Variants in KDM6A observed in about 807,000 individuals in gnomAD.
The protein encoded by KDM6A is lysine-specific demethylase 6A.
Under a neutral mutation model 117.6 loss-of-function variants are expected in KDM6A, and 11 were observed. The observed-to-expected ratio is 0.09, with a 90% CI of 0.06 to 0.15. The LOEUF is 0.15. Among genes scored for constraint, KDM6A ranks in the 10% least tolerant of loss-of-function variants. KDM6A has a pLI of 1.00. For synonymous variants in KDM6A, 384 were observed against 396.1 expected (o/e 0.97, Z 0.36); for missense variants, 799 against 1,077.3 (o/e 0.74, Z 3.62).
intron 16 of KDM6A, 68 bp from the exon 17 acceptor site, chrX:45,063,354 T>C: frequency 9.8e-7 from 1 of 1,024,804 alleles, no homozygotes; most frequent in South Asian, 1.9e-5. Context: ...TCATAGAGAA[T>C]CCCCTATAGA....
chrX:45,016,382 A>G (rs2041959309), intron 5 of KDM6A, among the ~76,000 whole-genome samples: 1 of 111,743 alleles, frequency 8.9e-6, no homozygotes, highest in Admixed American at 9.5e-5. Flanking sequence ...TTATCCCTTC[A>G]TATATCTCTG....
intron 4 of KDM6A, among the ~76,000 whole-genome samples, chrX:44,984,545 G>A (rs1005555015): frequency 8.9e-6 from 1 of 111,789 alleles, no homozygotes; most frequent in Non-Finnish European, 1.9e-5. Flanking sequence ...ATGGTTTTAG[G>A]TCTAACATTT....
chrX:44,952,035 T>C (rs2038036784), intron 2 of KDM6A, among the ~76,000 whole-genome samples: 1 of 112,301 alleles, frequency 8.9e-6, no homozygotes, highest in Non-Finnish European at 1.9e-5. Flanking sequence ...CTTTACTAAG[T>C]TGTCTAGTTT....
At chrX:44,988,154 C>T (rs898261564) in intron 4 of KDM6A, among the ~76,000 whole-genome samples, 5 of 111,694 alleles carry the variant, frequency 4.5e-5, no homozygotes, top group African/African-American at 9.8e-5. Flanking sequence ...TCATTTCATT[C>T]GTTTGATCTT....
intron 2 of KDM6A, among the ~76,000 whole-genome samples, chrX:44,883,333 G>T (rs1380713409): frequency 9.1e-6 from 1 of 110,257 alleles, no homozygotes; most frequent in African/African-American, 3.3e-5. Context: ...AGCCTCCATA[G>T]GTCCTGGGAT....
At chrX:45,077,580 A>G (rs1312592148) in intron 19 of KDM6A, among the ~76,000 whole-genome samples, 3 of 110,291 alleles carry the variant, frequency 2.7e-5, no homozygotes, top group Admixed American at 1.9e-4. Flanking sequence ...TCTTCCTCCA[A>G]CCAGTTGTTG....
intron 17 of KDM6A, among the ~76,000 whole-genome samples, chrX:45,068,000 A>G (rs2044616764): frequency 9.0e-6 from 1 of 111,478 alleles, no homozygotes; most frequent in Admixed American, 9.5e-5. Context: ...AGATAAGCCT[A>G]TTGAGTAAAA....
intron 2 of KDM6A, among the ~76,000 whole-genome samples, chrX:44,881,690 CT>C (rs763093798): frequency 1.8e-3 from 170 of 95,484 alleles, no homozygotes; most frequent in Middle Eastern, 5.4e-3. Context: ...ACTATTTTGT[CT>C]TTTTTTTTTT....
intron 8 of KDM6A, among the ~76,000 whole-genome samples, chrX:45,041,294 G>T (rs1479903876): frequency 4.6e-5 from 4 of 86,678 alleles, no homozygotes; most frequent in Non-Finnish European, 6.8e-5. Flanking sequence ...AGCTGGCCGG[G>T]CGGGGGGCTG....
At chrX:45,061,745 G>T (rs1206611717) in intron 15 of KDM6A, among the ~76,000 whole-genome samples, 1 of 109,343 alleles carries the variant, frequency 9.1e-6, no homozygotes, top group Non-Finnish European at 1.9e-5. Flanking sequence ...ACCTACCTCA[G>T]CCTCCCAAAG....
intron 3 of KDM6A, among the ~76,000 whole-genome samples, chrX:44,973,592 A>G (rs780438468): frequency 9.0e-6 from 1 of 111,229 alleles, no homozygotes; most frequent in African/African-American, 3.3e-5. Flanking sequence ...CTAGAATTAC[A>G]TATCTGTTGT....
rs780812810 is a variant in KDM6A, at chrX:44,961,082, A to G, written c.226-202A>G. ...TATAGATGGGAAAAGCACTTATGCC[A>G]TAACTAGTGGCTCTTTTAATAAATA... is the stretch of plus-strand genomic sequence containing the variant. On this transcript the variant is annotated intron_variant, in intron 2 of 29. Coordinates refer to ENST00000611820, the MANE Select transcript of KDM6A (RefSeq NM_001291415.2). 2.3e-4 allele frequency among the ~76,000 whole-genome samples: 26 copies of G among 111,874 alleles called. 1 individual carries two copies. Among genetic ancestry groups the G allele is most frequent in the Admixed American group, 1.9e-3 (20 of 10,521 alleles).
At chrX:44,954,753 C>G (rs758231355) in intron 2 of KDM6A, among the ~76,000 whole-genome samples, 3 of 110,971 alleles carry the variant, frequency 2.7e-5, no homozygotes, top group Non-Finnish European at 5.7e-5. Context: ...AGTTTAAGAG[C>G]TGGGAAGCAT....
intron 3 of KDM6A, among the ~76,000 whole-genome samples, chrX:44,965,885 G>A (rs2038983284): frequency 8.9e-6 from 1 of 111,752 alleles, no homozygotes; most frequent in South Asian, 3.7e-4. Context: ...GCACAATAAA[G>A]CAAAGTGCAA....
chrX:44,982,621 T>C (rs576889649), intron 4 of KDM6A, among the ~76,000 whole-genome samples: 1 of 112,136 alleles, frequency 8.9e-6, no homozygotes, highest in Admixed American at 9.5e-5. Context: ...TTCTTATCCT[T>C]AAAACAGTTT....
intron 2 of KDM6A, among the ~76,000 whole-genome samples, chrX:44,954,096 A>C (rs895876257): frequency 1.8e-5 from 2 of 110,089 alleles, no homozygotes; most frequent in African/African-American, 6.6e-5. Context: ...AGATTATTTT[A>C]ATTGTAACTC....
intron 12 of KDM6A, 88 bp downstream of exon 12, chrX:45,059,554 T>C (rs1317850968): frequency 1.5e-6 from 1 of 647,780 alleles, no homozygotes; most frequent in African/African-American, 2.2e-5. Context: ...GTTTGTCTAG[T>C]TGTGTTTTGA....
At position 44,995,057 on chromosome X, in the gene KDM6A, TTTATAG is replaced by T. The variant is rs1297596190; in HGVS notation, c.385-15903_385-15898del. ...GAAATTTTGATTTCAATTTCTATGA[TTTATAG>T]CTAGTAGTGGGACTGCTGGATCAAA... On this transcript the variant is annotated intron_variant, in intron 4 of 29. Coordinates refer to ENST00000611820, the MANE Select transcript of KDM6A (RefSeq NM_001291415.2). 5.3e-5 allele frequency among the ~76,000 whole-genome samples: 6 copies of T among 112,190 alleles called. No homozygotes were observed. In the East Asian group the frequency reaches 8.4e-4, roughly 16 times the overall value.
chrX:45,076,156 A>T (rs975927485), intron 18 of KDM6A, among the ~76,000 whole-genome samples: 19 of 111,660 alleles, frequency 1.7e-4, no homozygotes, highest in Non-Finnish European at 3.0e-4. Flanking sequence ...TTGTTTAAAA[A>T]GAAGTAGCAT....
Sources: gnomAD v4.1 joint callset for allele counts (sites outside exome capture counted in the v4.1 genomes callset) on GRCh38, gnomAD v4.1.1 for gene constraint, MANE v1.5 for transcripts, NCBI Gene and HGNC (gene_info 2026-07-23, HGNC 2026-07-21) for gene names.